The following ULBP3 variants were observed in gnomAD, a reference collection of about 807,000 sequenced individuals.
ULBP3 encodes the protein UL16-binding protein 3.
Under a neutral mutation model 24.9 loss-of-function variants are expected in ULBP3, and 25 were observed. That is an observed-to-expected ratio of 1.00 (90% CI 0.73 to 1.40). The LOEUF (loss-of-function observed/expected upper bound fraction) is 1.40. Ranked by LOEUF, ULBP3 falls within the 40% of genes most tolerant of loss-of-function variation. The pLI, the probability that ULBP3 is intolerant of heterozygous loss-of-function variation, is 0.00. For missense variants in ULBP3, 306 were observed against 307.5 expected (o/e 1.00, Z 0.04); for synonymous variants, 114 against 114.7 (o/e 0.99, Z 0.04).
At position 150,063,325 on chromosome 6, in the gene ULBP3, C is replaced by T. The variant is rs1432418436; in HGVS notation, c.*49G>A. On this transcript the variant is annotated 3_prime_UTR_variant, in exon 5 of 5. Transcript: ENST00000367339. ...GAGAGCAGGAACCAGACCAGGCTAA[C>T]AGAGGCTTCTTGATATCACCTTCCA... The T allele has an allele frequency of 2.7e-5, 26 of 976,846 alleles. No individual in the cohort carries two copies. In the Middle Eastern group the frequency reaches 1.6e-3, roughly 59 times the overall value. 60.5% of individuals were successfully genotyped at this position (976,846 alleles called of 1,614,324 possible). A position where few individuals can be genotyped will look rare whatever the true frequency, so the allele number is the denominator to read the frequency against.
rs1035935859 is a variant in ULBP3, at chr6:150,062,013, C to A, written c.*1361G>T. ...AGCATTTTTTCACGTTTGTTGGCCA[C>A]TTGTATGTCTTCTTTTGAAAAGTGT... is the stretch of plus-strand genomic sequence containing the variant. On this transcript the variant is annotated 3_prime_UTR_variant, in exon 5 of 5. Coordinates refer to ENST00000367339, the MANE Select transcript of ULBP3 (RefSeq NM_024518.3). Among the ~76,000 whole-genome samples the A allele has an allele frequency of 3.3e-5, 5 of 152,180 alleles. No homozygotes were observed. The highest frequency in any genetic ancestry group is 1.2e-4 in the African/African-American group (5 of 41,450).
chr6:150,068,290 C>A (rs1477729384), intron 1 of ULBP3, among the ~76,000 whole-genome samples: 4 of 152,140 alleles, frequency 2.6e-5, no homozygotes, highest in Admixed American at 2.0e-4. Context: ...TCCACACCTC[C>A]CAGAAGCCAC....
chr6:150,065,600 G>T lies in ULBP3; in HGVS notation c.426C>A (p.Phe142Leu). Reference protein sequence around the residue: ...ADGYIRGSWQFSFDGRKFLLF... With the variant: ...ADGYIRGSWQLSFDGRKFLLF... ...GGAGGAACTTCCGTCCATCGAAGCT[G>T]AACTGCCAAGATCCACGGATGTATC... The change falls in exon 3 of 5, where the codon TTC (phenylalanine) becomes TTA (leucine). Residue 142 changes from phenylalanine (F) to leucine (L), a missense_variant. Phe to Leu is a conservative substitution (Grantham distance 22). Transcript: ENST00000367339. 6.2e-7 allele frequency: 1 copy of T among 1,614,172 alleles called. No homozygotes were observed. Among genetic ancestry groups the T allele is most frequent in the Non-Finnish European group, 8.5e-7 (1 of 1,180,026 alleles).
chr6:150,069,093 A>G lies in ULBP3; in HGVS notation c.-27T>C, dbSNP rs749106655. 2.5e-6 allele frequency: 4 copies of G among 1,603,386 alleles called. No individual in the cohort carries two copies. In the South Asian group the frequency reaches 3.4e-5, roughly 13 times the overall value. On this transcript the variant is annotated 5_prime_UTR_variant, in exon 1 of 5. Transcript: ENST00000367339. Reference sequence around the variant, plus strand: ...GTAGACCAGGAGCGCCCGGGACACAAGGCGCAGTCGATGTGGAGACCAGCG... The same window carrying G: ...GTAGACCAGGAGCGCCCGGGACACAGGGCGCAGTCGATGTGGAGACCAGCG...
chr6:150,068,257 G>A (rs997205974), intron 1 of ULBP3, among the ~76,000 whole-genome samples: 2 of 152,120 alleles, frequency 1.3e-5, no homozygotes, highest in East Asian at 1.9e-4. Flanking sequence ...CGAACCATGG[G>A]ACTCCCCCTC....
In ULBP3 at chr6:150,068,997, A is replaced by G; in HGVS notation, c.70T>C (p.Ser24Pro). 2 of 1,607,982 alleles carry G rather than the reference A, an allele frequency of 1.2e-6. No homozygotes were observed. The highest frequency in any genetic ancestry group is 8.5e-7 in the Non-Finnish European group (1 of 1,177,312). Reference protein sequence around the residue: ...AILPYLLFDWSGTGRADAHSL... With the variant: ...AILPYLLFDWPGTGRADAHSL... ...AACTCACCGGCCCGCCCCGTCCCGG[A>G]CCAGTCGAATAGCAGGTACGGAAGA... Residue 24 changes from serine (S) to proline (P), a missense_variant, in exon 1 of 5, where the codon TCC (serine) becomes CCC (proline). Physicochemically the swap from Ser to Pro is moderately conservative, Grantham distance 74. Coordinates refer to ENST00000367339, the MANE Select transcript of ULBP3 (RefSeq NM_024518.3).
rs1470578350 is a variant in ULBP3, at chr6:150,061,679, G to A, written c.*1695C>T. Among the ~76,000 whole-genome samples the A allele has an allele frequency of 2.0e-5, 3 of 152,190 alleles. No homozygotes were observed. Among genetic ancestry groups the A allele is most frequent in the Admixed American group, 2.0e-4 (3 of 15,278 alleles). On this transcript the variant is annotated 3_prime_UTR_variant, in exon 5 of 5. Coordinates refer to ENST00000367339, the MANE Select transcript of ULBP3 (RefSeq NM_024518.3). ...GTTGCTGGGCACTTAGGTTGATTCTGTGTCCTTGCTAGTAAGAATAGCACT... is the reference window on the plus strand; with the variant it reads ...GTTGCTGGGCACTTAGGTTGATTCTATGTCCTTGCTAGTAAGAATAGCACT...
In ULBP3 at chr6:150,062,388, T is replaced by C. The variant is rs1285747192; in HGVS notation, c.*986A>G. ...GCGCAACATAGGAAGACCCAATCTC[T>C]ACCTAAATATAAAACAATTTGCCAG... On this transcript the variant is annotated 3_prime_UTR_variant, in exon 5 of 5. Coordinates refer to ENST00000367339, the MANE Select transcript of ULBP3 (RefSeq NM_024518.3). Among the ~76,000 whole-genome samples, 1 of 152,280 alleles carries C rather than the reference T, an allele frequency of 6.6e-6. No individual in the cohort carries two copies. Among genetic ancestry groups the C allele is most frequent in the Middle Eastern group, 3.4e-3 (1 of 294 alleles).
rs150887082 is a variant in ULBP3 at position 150,062,232 on chromosome 6, G to A, written c.*1142C>T. Among the ~76,000 whole-genome samples the A allele has an allele frequency of 0.013, 1,940 of 152,228 alleles. 40 individuals are homozygous for A. Among genetic ancestry groups the A allele is most frequent in the African/African-American group, 0.044 (1,838 of 41,516 alleles). On this transcript the variant is annotated 3_prime_UTR_variant, in exon 5 of 5. Transcript: ENST00000367339. ...GTGCAGAAGCTCTTTAGTTTAATGA[G>A]GTCCCATTTGTCAATTTTTGTTTTT... is the stretch of plus-strand genomic sequence containing the variant.
chr6:150,066,201 TG>T, intron 1 of ULBP3, 39 bp from the exon 2 acceptor site: 1 of 1,596,258 alleles, frequency 6.3e-7, no homozygotes. Context: ...AGTGTTGGGG[TG>T]GGGGAAAGAC....
chr6:150,068,857 G>C, intron 1 of ULBP3, 122 bp downstream of exon 1: 1 of 1,029,802 alleles, frequency 9.7e-7, no homozygotes, highest in East Asian at 2.9e-5. Flanking sequence ...AACTGAGCGT[G>C]GGGGCAGTCC....
intron 4 of ULBP3, 47 bp from the exon 5 acceptor site, chr6:150,063,398 G>A (rs1413361106): frequency 2.1e-6 from 2 of 954,500 alleles, no homozygotes; most frequent in Non-Finnish European, 2.5e-6. Context: ...GAAAAACCTG[G>A]GTCTGTTCTC....
chr6:150,066,800 T>C (rs1187679207), intron 1 of ULBP3, among the ~76,000 whole-genome samples: 1 of 152,132 alleles, frequency 6.6e-6, no homozygotes, highest in Admixed American at 6.5e-5. Flanking sequence ...CCTGTTTACC[T>C]AGCATATAAA....
Position 150,066,110 on chromosome 6 carries a change from C to T in ULBP3, c.141G>A (p.Gly47=), listed in dbSNP as rs1425815532. 6.2e-7 allele frequency: 1 copy of T among 1,614,046 alleles called. No homozygotes were observed. The highest frequency in any genetic ancestry group is 1.3e-5 in the African/African-American group (1 of 74,920). ...GGCTCTGGACCTCACACCACTGTTG[C>T]CCATGTCTGGGCAAATGAATGATGG... The part of the protein sequence containing the change: ...NFTIIHLPRH[G]QQWCEVQSQV... Residue 47 remains glycine, a synonymous_variant, in exon 2 of 5, where the codon GGG becomes GGA. Transcript: ENST00000367339.
At chr6:150,063,462 G>T in intron 4 of ULBP3, 111 bp from the exon 5 acceptor site, 1 of 548,190 alleles carries the variant, frequency 1.8e-6, no homozygotes, top group Non-Finnish European at 2.3e-6. Flanking sequence ...CCCAGATAAG[G>T]AACATGTTTT....
rs1470936734 is a variant in ULBP3, at chr6:150,069,087, G to C, written c.-21C>G. 174 of 1,605,908 alleles carry C rather than the reference G, an allele frequency of 1.1e-4. No homozygotes were observed. The highest frequency in any genetic ancestry group is 1.5e-4 in the Non-Finnish European group (171 of 1,176,438). ...GCCATTGTAGACCAGGAGCGCCCGG[G>C]ACACAAGGCGCAGTCGATGTGGAGA... On this transcript the variant is annotated 5_prime_UTR_variant, in exon 1 of 5. Transcript: ENST00000367339.
intron 1 of ULBP3, among the ~76,000 whole-genome samples, chr6:150,066,772 A>G (rs1174970216): frequency 6.6e-6 from 1 of 152,154 alleles, no homozygotes; most frequent in Non-Finnish European, 1.5e-5. Context: ...TCTGTGCTCA[A>G]GGGAAGCCTG....
chr6:150,062,418 G>A lies in ULBP3; in HGVS notation c.*956C>T, dbSNP rs1279592357. Among the ~76,000 whole-genome samples, 1 of 152,170 alleles carries A rather than the reference G, an allele frequency of 6.6e-6. No individual in the cohort carries two copies. The highest frequency in any genetic ancestry group is 1.5e-5 in the Non-Finnish European group (1 of 68,038). The stretch of plus-strand genomic sequence containing the variant: ...AAATATAAAACAATTTGCCAGGCAT[G>A]GTGGCATGCGCCTGTAGTCCCAGCT... On this transcript the variant is annotated 3_prime_UTR_variant, in exon 5 of 5. Transcript: ENST00000367339.
At position 150,061,262 on chromosome 6, in the gene ULBP3, T is replaced by C. The variant is rs748674842; in HGVS notation, c.*2112A>G. On this transcript the variant is annotated 3_prime_UTR_variant, in exon 5 of 5. Transcript: ENST00000367339. Reference sequence around the variant, plus strand: ...TATGTCATTTTATTTTACTTACGAATCTTTAATTTTAACCTTTATTATAGA... The same window carrying C: ...TATGTCATTTTATTTTACTTACGAACCTTTAATTTTAACCTTTATTATAGA... 1.3e-5 allele frequency among the ~76,000 whole-genome samples: 2 copies of C among 152,206 alleles called. No individual in the cohort carries two copies. The highest frequency in any genetic ancestry group is 2.9e-5 in the Non-Finnish European group (2 of 68,038).
Sources: allele counts gnomAD v4.1 joint callset (sites outside exome capture counted in the v4.1 genomes callset), GRCh38; gene constraint gnomAD v4.1.1; transcripts MANE v1.5; gene names NCBI Gene and HGNC (gene_info 2026-07-23, HGNC 2026-07-21).